Variants in INSYN2B observed in about 807,000 individuals in gnomAD.
INSYN2B encodes protein INSYN2B.
Under a neutral mutation model 41.2 loss-of-function variants are expected in INSYN2B, and 16 were observed. The observed-to-expected ratio is 0.39, with a 90% CI of 0.26 to 0.59. The LOEUF is 0.59. Ranked by LOEUF, INSYN2B falls within the 20% of genes least tolerant of loss-of-function variation. The pLI, the probability that INSYN2B is intolerant of heterozygous loss-of-function variation, is 0.57. For synonymous variants in INSYN2B, 245 were observed against 244.4 expected (o/e 1.00, Z -0.02); for missense variants, 608 against 646.4 (o/e 0.94, Z 0.64).
chr5:169,929,960 GAA>G (rs1775666162), intron 1 of INSYN2B, among the ~76,000 whole-genome samples: 1 of 152,070 alleles, frequency 6.6e-6, no homozygotes, highest in African/African-American at 2.4e-5. Context: ...TAATGTGACT[GAA>G]GAATAGAACT....
At chr5:169,936,451 G>T (rs1418581733) in intron 1 of INSYN2B, among the ~76,000 whole-genome samples, 2 of 152,110 alleles carry the variant, frequency 1.3e-5, no homozygotes, top group Non-Finnish European at 2.9e-5. Context: ...CTAGTCAATA[G>T]CAGATCCAGT....
intron 3 of INSYN2B, among the ~76,000 whole-genome samples, chr5:169,868,124 C>T (rs1437479214): frequency 6.6e-6 from 1 of 152,200 alleles, no homozygotes; most frequent in South Asian, 2.1e-4. Context: ...TTGTACAAAA[C>T]ATTCCATCCA....
At chr5:169,864,591 G>T in intron 3 of INSYN2B, 132 bp from the exon 4 acceptor site, 1 of 713,996 alleles carries the variant, frequency 1.4e-6, no homozygotes, top group Non-Finnish European at 2.2e-6. Flanking sequence ...GGTACCTACT[G>T]GCTCTTTGAC....
At chr5:169,912,421 T>G (rs1774649552) in intron 1 of INSYN2B, among the ~76,000 whole-genome samples, 1 of 152,198 alleles carries the variant, frequency 6.6e-6, no homozygotes, top group South Asian at 2.1e-4. Flanking sequence ...GCGAAGGGTC[T>G]TTAATAGTCT....
chr5:169,892,961 C>T (rs1773383515), intron 1 of INSYN2B, among the ~76,000 whole-genome samples: 1 of 152,102 alleles, frequency 6.6e-6, no homozygotes, highest in Non-Finnish European at 1.5e-5. Context: ...CCTCTCCTCC[C>T]TGCTCTTTGT....
intron 3 of INSYN2B, among the ~76,000 whole-genome samples, chr5:169,878,097 G>A (rs1040303585): frequency 1.4e-4 from 22 of 152,342 alleles, no homozygotes; most frequent in African/African-American, 5.3e-4. Context: ...AAGCACTGCT[G>A]ACTATTTTTA....
Position 169,883,713 on chromosome 5 carries a change from C to T in INSYN2B, c.186G>A (p.Pro62=), listed in dbSNP as rs140484421. 3.7e-5 allele frequency: 57 copies of T among 1,551,266 alleles called. No homozygotes were observed. Among genetic ancestry groups the T allele is most frequent in the Non-Finnish European group, 4.4e-5 (50 of 1,146,850 alleles). ...TTGCTTGAGTCTTCCCCATCACAGC[C>T]GGGTCTTCTGGAGTTTGGACGTCAA... ...AEVDVQTPED[P]AVMGKTQATR... The change falls in exon 2 of 4, where the codon CCG becomes CCA. Residue 62 remains proline, a synonymous_variant. Transcript: ENST00000377365.
chr5:169,947,455 T>C (rs906924714), intron 1 of INSYN2B, among the ~76,000 whole-genome samples: 1 of 152,196 alleles, frequency 6.6e-6, no homozygotes, highest in East Asian at 1.9e-4. Context: ...ATTAGCCCTG[T>C]TTTACAGATG....
intron 1 of INSYN2B, among the ~76,000 whole-genome samples, chr5:169,955,433 C>A (rs2015421): frequency 0.031 from 4,644 of 152,212 alleles, 167 homozygotes; most frequent in African/African-American, 0.082. Flanking sequence ...GAGGAGGATG[C>A]GCCCCTGGAC....
At chr5:169,875,425 C>A in intron 3 of INSYN2B, 1 of 397,916 alleles carries the variant, frequency 2.5e-6, no homozygotes, top group Non-Finnish European at 5.0e-6. Flanking sequence ...CTGAGTGGAA[C>A]TCAGTGACAA....
chr5:169,937,875 G>A (rs1386475579), intron 1 of INSYN2B, among the ~76,000 whole-genome samples: 2 of 152,144 alleles, frequency 1.3e-5, no homozygotes, highest in African/African-American at 2.4e-5. Context: ...CGTGAGTGGT[G>A]GGTCCCTTTC....
chr5:169,932,842 TATC>T (rs1775818390), intron 1 of INSYN2B, among the ~76,000 whole-genome samples: 1 of 151,714 alleles, frequency 6.6e-6, no homozygotes, highest in Admixed American at 6.6e-5. Flanking sequence ...AGAGATGTGA[TATC>T]ATAATTTCCC....
chr5:169,978,490 C>CATG (rs915634026), intron 1 of INSYN2B, among the ~76,000 whole-genome samples: 14 of 149,738 alleles, frequency 9.3e-5, no homozygotes, highest in Non-Finnish European at 1.8e-4. Context: ...TTGTCAATAT[C>CATG]ATGATGATGA....
intron 1 of INSYN2B, among the ~76,000 whole-genome samples, chr5:169,893,620 C>G (rs1358789136): frequency 6.6e-6 from 1 of 152,056 alleles, no homozygotes; most frequent in Non-Finnish European, 1.5e-5. Context: ...AGAGGAATAG[C>G]TCTGTGTGTC....
At chr5:169,965,919 G>T (rs1281224708) in intron 1 of INSYN2B, among the ~76,000 whole-genome samples, 1 of 152,116 alleles carries the variant, frequency 6.6e-6, no homozygotes, top group African/African-American at 2.4e-5. Context: ...AGGAATCCAG[G>T]AACAGATTAT....
At chr5:169,972,593 TA>T (rs796860075) in intron 1 of INSYN2B, among the ~76,000 whole-genome samples, 26 of 135,520 alleles carry the variant, frequency 1.9e-4, no homozygotes, top group Non-Finnish European at 3.3e-4. Context: ...AGATGATAGA[TA>T]GATAGATAGA....
intron 1 of INSYN2B, among the ~76,000 whole-genome samples, chr5:169,962,151 G>C (rs1239045843): frequency 2.0e-5 from 3 of 151,962 alleles, no homozygotes; most frequent in African/African-American, 7.3e-5. Context: ...AATAGGACTG[G>C]GTTTTTAAAA....
chr5:169,877,655 TTAGATAGA>T (rs60864148), intron 3 of INSYN2B, among the ~76,000 whole-genome samples: 1 of 152,038 alleles, frequency 6.6e-6, no homozygotes, highest in Non-Finnish European at 1.5e-5. Flanking sequence ...CTTGAAAATT[TTAGATAGA>T]TAGATAGATA....
rs569840548 is a variant in INSYN2B, at chr5:169,861,689, G to T, written c.*2584C>A. ...CATGAATAAGTGAGTATGCAGTTTTGGTATATGTGTGTGTGGTGTTTTAAA... is the reference window on the plus strand; with the variant it reads ...CATGAATAAGTGAGTATGCAGTTTTTGTATATGTGTGTGTGGTGTTTTAAA... On this transcript the variant is annotated 3_prime_UTR_variant, in exon 4 of 4. Transcript: ENST00000377365. 5.6e-4 allele frequency among the ~76,000 whole-genome samples: 86 copies of T among 152,262 alleles called. No individual in the cohort carries two copies. The highest frequency in any genetic ancestry group is 1.1e-3 in the Non-Finnish European group (73 of 68,034).
Sources: gnomAD v4.1 joint callset for allele counts (sites outside exome capture counted in the v4.1 genomes callset) on GRCh38, gnomAD v4.1.1 for gene constraint, MANE v1.5 for transcripts, NCBI Gene and HGNC (gene_info 2026-07-23, HGNC 2026-07-21) for gene names.